Variants in ST8SIA6 observed in about 807,000 individuals in gnomAD.
The protein encoded by ST8SIA6 is alpha-2,8-sialyltransferase 8F.
In ST8SIA6, 39 loss-of-function variants were observed where a neutral mutation model predicts 33.6. The observed-to-expected ratio is 1.16, with a 90% CI of 0.90 to 1.52. The LOEUF is 1.52. Among genes scored for constraint, ST8SIA6 ranks in the 40% most tolerant of loss-of-function variants. The probability of loss-of-function intolerance (pLI) is 0.00; values close to 1 mark genes in which losing one functional copy is unlikely to be tolerated. For missense variants in ST8SIA6, 441 were observed against 443.8 expected (o/e 0.99, Z 0.06); for synonymous variants, 172 against 167.2 (o/e 1.03, Z -0.22).
intron 4 of ST8SIA6, among the ~76,000 whole-genome samples, chr10:17,356,968 T>C (rs1200438094): frequency 6.6e-6 from 1 of 152,190 alleles, no homozygotes; most frequent in African/African-American, 2.4e-5. Context: ...AGCCAGACAT[T>C]GTGAGTGGAT....
At chr10:17,424,214 G>T (rs561972014) in intron 2 of ST8SIA6, among the ~76,000 whole-genome samples, 1 of 150,242 alleles carries the variant, frequency 6.7e-6, no homozygotes, top group Non-Finnish European at 1.5e-5. Flanking sequence ...AGCAATTCTC[G>T]TGCTTCAGCT....
At chr10:17,356,596 C>T (rs1177392692) in intron 4 of ST8SIA6, among the ~76,000 whole-genome samples, 1 of 152,000 alleles carries the variant, frequency 6.6e-6, no homozygotes, top group African/African-American at 2.4e-5. Flanking sequence ...CCATGTTGGC[C>T]AGGCCAGTTT....
chr10:17,378,568 G>A (rs545328172), intron 3 of ST8SIA6, among the ~76,000 whole-genome samples: 1 of 152,234 alleles, frequency 6.6e-6, no homozygotes, highest in South Asian at 2.1e-4. Flanking sequence ...TGGAACTCAA[G>A]TCCCTCAGGA....
intron 2 of ST8SIA6, among the ~76,000 whole-genome samples, chr10:17,405,824 G>A (rs1432696305): frequency 6.7e-6 from 1 of 150,296 alleles, no homozygotes; most frequent in Non-Finnish European, 1.5e-5. Flanking sequence ...GGAGGTTGCA[G>A]TGAGCCACGA....
chr10:17,348,674 C>A (rs541858987), intron 4 of ST8SIA6, among the ~76,000 whole-genome samples: 2 of 152,288 alleles, frequency 1.3e-5, no homozygotes, highest in Admixed American at 1.3e-4. Context: ...GGACGGCTCC[C>A]ACGGTTCGCT....
rs369560766 is a variant in ST8SIA6 at position 17,453,624 on chromosome 10, G to A, written c.135C>T (p.His45=). 107 of 1,326,046 alleles carry A rather than the reference G, an allele frequency of 8.1e-5. No individual in the cohort carries two copies. In the African/African-American group the frequency reaches 1.4e-3, roughly 17 times the overall value. The allele number at this position is 1,326,046 out of a possible 1,614,324, so 82.1% of individuals were successfully genotyped here. The change falls in exon 2 of 8, where the codon CAC becomes CAT. Residue 45 remains histidine, a synonymous_variant. Transcript: ENST00000377602. ...GCGTCCTCAGCGCTGCGGGGGTGCC[G>A]TGGGTGGCCTCCCTGCTTTCCTCCA... The part of the protein sequence containing the change: ...ILVEESREAT[H]GTPAALRTLR...
intron 3 of ST8SIA6, among the ~76,000 whole-genome samples, chr10:17,384,487 A>G (rs1212173780): frequency 3.3e-5 from 5 of 152,254 alleles, no homozygotes; most frequent in African/African-American, 1.2e-4. Flanking sequence ...TAACATGGGA[A>G]ACTGGAGAGA....
At chr10:17,374,114 C>CACAT (rs57818141) in intron 3 of ST8SIA6, among the ~76,000 whole-genome samples, 1 of 141,918 alleles carries the variant, frequency 7.0e-6, no homozygotes, top group Admixed American at 7.1e-5. Flanking sequence ...CACACACACA[C>CACAT]GGGAAAAGTA....
intron 4 of ST8SIA6, 134 bp downstream of exon 4, chr10:17,359,380 C>T: frequency 1.7e-6 from 1 of 601,452 alleles, no homozygotes; most frequent in South Asian, 2.5e-5. Flanking sequence ...ATGAGAGGGT[C>T]TTAGAATTCA....
chr10:17,405,942 C>T (rs1000793124), intron 2 of ST8SIA6, among the ~76,000 whole-genome samples: 1 of 151,428 alleles, frequency 6.6e-6, no homozygotes, highest in African/African-American at 2.4e-5. Flanking sequence ...TCAGCTTCCT[C>T]AGGTGCAAAA....
intron 2 of ST8SIA6, among the ~76,000 whole-genome samples, chr10:17,446,564 G>C (rs1852715204): frequency 6.6e-6 from 1 of 152,126 alleles, no homozygotes; most frequent in African/African-American, 2.4e-5. Flanking sequence ...CTTCGGAAAA[G>C]TAATTCAGTA....
At chr10:17,345,216 G>C (rs774142514) in intron 4 of ST8SIA6, among the ~76,000 whole-genome samples, 9 of 152,204 alleles carry the variant, frequency 5.9e-5, no homozygotes, top group Non-Finnish European at 1.3e-4. Context: ...TGTGACAACA[G>C]TGGACCTTTG....
rs1847741480 is a variant in ST8SIA6, at chr10:17,315,499, G to A, written c.*5379C>T. 6.6e-6 allele frequency among the ~76,000 whole-genome samples: 1 copy of A among 151,994 alleles called. No homozygotes were observed. The highest frequency in any genetic ancestry group is 2.4e-5 in the African/African-American group (1 of 41,442). On this transcript the variant is annotated 3_prime_UTR_variant, in exon 8 of 8. Transcript: ENST00000377602. ...TGTTCATCAACAAATGAGCAGATAA[G>A]CCAACTGTGGTCCATCCATATAACA... is the stretch of plus-strand genomic sequence containing the variant.
intron 1 of ST8SIA6, 21 bp from the exon 2 acceptor site, chr10:17,453,678 C>G: frequency 3.9e-6 from 5 of 1,292,086 alleles, no homozygotes; most frequent in Non-Finnish European, 4.0e-6. Flanking sequence ...GGGGAGAAAA[C>G]TTAAGTTGCT....
Position 17,453,552 on chromosome 10 carries a change from G to T in ST8SIA6, c.200+7C>A. 1.5e-6 allele frequency: 2 copies of T among 1,313,182 alleles called. No individual in the cohort carries two copies. Among genetic ancestry groups the T allele is most frequent in the South Asian group, 5.0e-5 (2 of 40,136 alleles). 81.3% of individuals were successfully genotyped at this position (1,313,182 alleles called of 1,614,324 possible). Reference sequence around the variant, plus strand: ...CCCCAGTCCGCCCGCGCTGGGCGCCGCTGTACCTGTTAGTGGCGCGCGGTA... The same window carrying T: ...CCCCAGTCCGCCCGCGCTGGGCGCCTCTGTACCTGTTAGTGGCGCGCGGTA... On this transcript the variant is annotated splice_region_variant and intron_variant, in intron 2 of 7. Coordinates refer to ENST00000377602, the MANE Select transcript of ST8SIA6 (RefSeq NM_001004470.3).
intron 3 of ST8SIA6, among the ~76,000 whole-genome samples, chr10:17,388,582 C>T (rs1850468501): frequency 6.6e-6 from 1 of 152,198 alleles, no homozygotes; most frequent in Non-Finnish European, 1.5e-5. Flanking sequence ...AGACCGCTCA[C>T]TGGGTCTTCC....
At chr10:17,382,977 G>A (rs1850207123) in intron 3 of ST8SIA6, among the ~76,000 whole-genome samples, 1 of 152,124 alleles carries the variant, frequency 6.6e-6, no homozygotes, top group Non-Finnish European at 1.5e-5. Context: ...GTTATAAAAG[G>A]CTTGTGGAAG....
intron 4 of ST8SIA6, among the ~76,000 whole-genome samples, chr10:17,343,750 G>A (rs1244818409): frequency 6.6e-6 from 1 of 152,168 alleles, no homozygotes; most frequent in African/African-American, 2.4e-5. Context: ...GATCAGAGGA[G>A]CAGGTTTACA....
chr10:17,354,613 T>G (rs1202899153), intron 4 of ST8SIA6, among the ~76,000 whole-genome samples: 3 of 152,188 alleles, frequency 2.0e-5, no homozygotes, highest in Non-Finnish European at 2.9e-5. Context: ...TGTAAATTCA[T>G]AGCGGAAACT....
Sources: allele counts gnomAD v4.1 joint callset (sites outside exome capture counted in the v4.1 genomes callset), GRCh38; gene constraint gnomAD v4.1.1; transcripts MANE v1.5; gene names NCBI Gene and HGNC (gene_info 2026-07-23, HGNC 2026-07-21).